Variants in CNTNAP4 observed in about 807,000 individuals in gnomAD.
The protein encoded by CNTNAP4 is contactin associated protein family member 4.
Under a neutral mutation model 148.4 loss-of-function variants are expected in CNTNAP4, and 98 were observed. The observed-to-expected ratio is 0.66, with a 90% CI of 0.56 to 0.78. The LOEUF (loss-of-function observed/expected upper bound fraction) is 0.78, where lower values mean the gene tolerates loss of function less well. Among genes scored for constraint, CNTNAP4 ranks in the 30% least tolerant of loss-of-function variants. The pLI, the probability that CNTNAP4 is intolerant of heterozygous loss-of-function variation, is 0.00. For missense variants in CNTNAP4, 1,935 were observed against 1,565.6 expected, an observed-to-expected ratio of 1.24 and a Z score of -3.98; for synonymous variants, 730 against 565.1, an observed-to-expected ratio of 1.29 and a Z score of -4.14.
intron 3 of CNTNAP4, among the ~76,000 whole-genome samples, chr16:76,397,052 G>A (rs2078227610): frequency 6.6e-6 from 1 of 152,118 alleles, no homozygotes; most frequent in South Asian, 2.1e-4. Flanking sequence ...TCTCATGGGT[G>A]GGTGGCATCA....
At chr16:76,448,378 A>G (rs757404177) in intron 5 of CNTNAP4, among the ~76,000 whole-genome samples, 163 bp downstream of exon 5, 46 of 130,972 alleles carry the variant, frequency 3.5e-4, no homozygotes, top group Middle Eastern at 7.6e-3. Flanking sequence ...AATGGTTCAT[A>G]TTTTGCAAAT....
intron 2 of CNTNAP4, among the ~76,000 whole-genome samples, chr16:76,333,727 A>G (rs1013920054): frequency 6.9e-6 from 1 of 143,916 alleles, no homozygotes. Flanking sequence ...CAAAAATCAG[A>G]TGATCTCTTC....
chr16:76,530,984 C>G (rs2083960043), intron 17 of CNTNAP4, among the ~76,000 whole-genome samples: 2 of 152,186 alleles, frequency 1.3e-5, no homozygotes, highest in Non-Finnish European at 2.9e-5. Context: ...TGTCACTATT[C>G]TGCCCCAAGT....
At chr16:76,478,095 A>T (rs67820259) in intron 11 of CNTNAP4, among the ~76,000 whole-genome samples, 17,623 of 152,082 alleles carry the variant, frequency 0.12, 1,169 homozygotes, top group South Asian at 0.2. Flanking sequence ...GGAAATAATC[A>T]TTAAACAGTC....
At chr16:76,457,752 G>A (rs979375113) in intron 8 of CNTNAP4, among the ~76,000 whole-genome samples, 7 of 152,122 alleles carry the variant, frequency 4.6e-5, no homozygotes, top group African/African-American at 1.7e-4. Context: ...TAAGCACATG[G>A]TTAGTGGGCT....
At chr16:76,555,588 T>C (rs368005328) in intron 23 of CNTNAP4, among the ~76,000 whole-genome samples, 1 of 152,132 alleles carries the variant, frequency 6.6e-6, no homozygotes, top group African/African-American at 2.4e-5. Context: ...CAGATAGAAA[T>C]ATAGAGTGGT....
At chr16:76,384,259 G>C (rs6564327) in intron 3 of CNTNAP4, among the ~76,000 whole-genome samples, 4,363 of 152,050 alleles carry the variant, frequency 0.029, 197 homozygotes, top group African/African-American at 0.097. Context: ...GGTCAGGTTG[G>C]TCTTGAAATC....
chr16:76,535,472 A>C, intron 17 of CNTNAP4, 73 bp from the exon 18 acceptor site: 1 of 1,527,634 alleles, frequency 6.5e-7, no homozygotes, highest in South Asian at 1.2e-5. Context: ...GTAAGGCCTC[A>C]GTTTTGTTTG....
intron 7 of CNTNAP4, among the ~76,000 whole-genome samples, chr16:76,450,788 T>C (rs1323217952): frequency 6.6e-6 from 1 of 152,082 alleles, no homozygotes; most frequent in African/African-American, 2.4e-5. Flanking sequence ...GCTGTCTTGG[T>C]TAGGTTTCAG....
intron 2 of CNTNAP4, among the ~76,000 whole-genome samples, chr16:76,330,031 C>A (rs549498180): frequency 3.3e-5 from 5 of 152,158 alleles, no homozygotes; most frequent in Non-Finnish European, 7.3e-5. Context: ...AAAGGAAAAA[C>A]ACATCTCAAC....
intron 12 of CNTNAP4, among the ~76,000 whole-genome samples, chr16:76,482,432 A>ATTTTT (rs57722242): frequency 7.6e-6 from 1 of 130,720 alleles, no homozygotes. Context: ...GTTTTACACA[A>ATTTTT]TTTTTTTTTT....
At position 76,449,059 on chromosome 16, in the gene CNTNAP4, A is replaced by G. The variant is rs199558765; in HGVS notation, c.927+108A>G. On this transcript the variant is annotated intron_variant, in intron 6 of 23. Coordinates refer to ENST00000611870, the MANE Select transcript of CNTNAP4 (RefSeq NM_033401.5). ...GCCCACCTTTTCAGTAAATCATAGA[A>G]CAGGTGAAGCATTTCCCAAGGCAGT... 83 of 1,043,602 alleles carry G rather than the reference A, an allele frequency of 8.0e-5. No individual in the cohort carries two copies. In the East Asian group the frequency reaches 1.3e-3, roughly 17 times the overall value. The allele number at this position is 1,043,602 out of a possible 1,614,324, so 64.6% of individuals were successfully genotyped here.
At chr16:76,526,903 G>C (rs546633905) in intron 17 of CNTNAP4, among the ~76,000 whole-genome samples, 2 of 152,020 alleles carry the variant, frequency 1.3e-5, no homozygotes, top group East Asian at 1.9e-4. Context: ...CAAACTCCTG[G>C]GCTCAAGGGC....
At position 76,387,289 on chromosome 16, in the gene CNTNAP4, T is replaced by A. The variant is rs1157888653; in HGVS notation, c.390+31778T>A. On this transcript the variant is annotated intron_variant, in intron 3 of 23. Transcript: ENST00000611870. ...GGACACACAGCAATGAATATTTATA[T>A]GTTAATGTCAAACATTATGGTGAGG... Among the ~76,000 whole-genome samples the A allele has an allele frequency of 2.0e-5, 3 of 152,220 alleles. No homozygotes were observed. In the East Asian group the frequency reaches 5.8e-4, roughly 29 times the overall value.
At chr16:76,549,689 AT>A (rs2084884474) in intron 21 of CNTNAP4, among the ~76,000 whole-genome samples, 4 of 152,208 alleles carry the variant, frequency 2.6e-5, no homozygotes, top group Admixed American at 1.3e-4. Flanking sequence ...CAAACAAAAA[AT>A]ATAACAGGAA....
At chr16:76,539,129 A>C (rs969012108) in intron 19 of CNTNAP4, among the ~76,000 whole-genome samples, 1 of 152,064 alleles carries the variant, frequency 6.6e-6, no homozygotes, top group Non-Finnish European at 1.5e-5. Flanking sequence ...TTCTTTGTCA[A>C]ATTGAAAGAT....
chr16:76,505,007 C>T (rs544873839), intron 15 of CNTNAP4, among the ~76,000 whole-genome samples: 13 of 152,254 alleles, frequency 8.5e-5, no homozygotes, highest in Admixed American at 7.8e-4. Context: ...AACTCTGGTA[C>T]ATTGCACTAC....
intron 12 of CNTNAP4, among the ~76,000 whole-genome samples, chr16:76,488,728 G>A (rs1042811866): frequency 6.6e-6 from 1 of 152,132 alleles, no homozygotes; most frequent in East Asian, 1.9e-4. Context: ...GAGGCTTTTT[G>A]ATTTATCTGT....
intron 8 of CNTNAP4, among the ~76,000 whole-genome samples, chr16:76,454,763 T>G (rs755366161): frequency 6.6e-6 from 1 of 152,212 alleles, no homozygotes; most frequent in Non-Finnish European, 1.5e-5. Flanking sequence ...AAACCAGTTG[T>G]CAGGATGTAT....
Sources: gnomAD v4.1 joint callset for allele counts (sites outside exome capture counted in the v4.1 genomes callset) on GRCh38, gnomAD v4.1.1 for gene constraint, MANE v1.5 for transcripts, NCBI Gene and HGNC (gene_info 2026-07-23, HGNC 2026-07-21) for gene names.